CDC42BPA: variants seen among roughly 807,000 people sequenced by gnomAD.
The protein encoded by CDC42BPA is CDC42 binding protein kinase alpha.
A neutral mutation model predicts 223.5 loss-of-function variants in CDC42BPA; 80 were observed. The ratio of observed to expected loss-of-function variants is 0.36; its 90% CI spans 0.30 to 0.43. The LOEUF is 0.43. Ranked by LOEUF, CDC42BPA falls within the 20% of genes least tolerant of loss-of-function variation. The pLI, the probability that CDC42BPA is intolerant of heterozygous loss-of-function variation, is 1.00. For missense variants in CDC42BPA, 1,743 were observed against 2,099.9 expected (o/e 0.83, Z 3.32); for synonymous variants, 694 against 718.6 (o/e 0.97, Z 0.55).
At chr1:227,150,854 T>TG in intron 6 of CDC42BPA, among the ~76,000 whole-genome samples, 1 of 98,566 alleles carries the variant, frequency 1.0e-5, no homozygotes, top group Admixed American at 1.1e-4. Flanking sequence ...TTTACCTCCC[T>TG]GAAAAAAAAA....
At chr1:227,263,605 C>T (rs1357911673) in intron 1 of CDC42BPA, among the ~76,000 whole-genome samples, 5 of 133,504 alleles carry the variant, frequency 3.7e-5, no homozygotes, top group East Asian at 2.1e-4. Flanking sequence ...TTTTTTGAAA[C>T]GGAGTCTCGC....
intron 6 of CDC42BPA, among the ~76,000 whole-genome samples, chr1:227,155,117 A>G (rs951808651): frequency 6.6e-6 from 1 of 152,186 alleles, no homozygotes; most frequent in African/African-American, 2.4e-5. Flanking sequence ...AGCTGTCCAG[A>G]TAATAAATAA....
At chr1:227,008,471 A>G (rs1361385941) in intron 34 of CDC42BPA, among the ~76,000 whole-genome samples, 1 of 152,208 alleles carries the variant, frequency 6.6e-6, no homozygotes, top group African/African-American at 2.4e-5. Flanking sequence ...GAAATGTACT[A>G]ATGTGGCTAA....
intron 5 of CDC42BPA, among the ~76,000 whole-genome samples, chr1:227,189,086 T>G (rs1408600935): frequency 1.3e-5 from 2 of 152,198 alleles, no homozygotes; most frequent in Non-Finnish European, 2.9e-5. Flanking sequence ...AATTGAGCTT[T>G]CATTCCTATC....
intron 12 of CDC42BPA, among the ~76,000 whole-genome samples, chr1:227,118,841 T>C (rs926290262): frequency 6.6e-6 from 1 of 152,114 alleles, no homozygotes; most frequent in Admixed American, 6.6e-5. Context: ...GCAATGAATT[T>C]AAATGGACCT....
chr1:227,261,490 C>A (rs1018457811), intron 1 of CDC42BPA, among the ~76,000 whole-genome samples: 2 of 149,994 alleles, frequency 1.3e-5, no homozygotes, highest in Non-Finnish European at 2.9e-5. Flanking sequence ...AGCAGTAACA[C>A]AGACCCACAC....
rs538541440 is a variant in CDC42BPA at position 227,226,661 on chromosome 1, T to C, written c.271-13442A>G. On this transcript the variant is annotated intron_variant, in intron 2 of 36. Coordinates refer to ENST00000366766, the MANE Select transcript of CDC42BPA (RefSeq NM_001394014.1). ...TACTGAAGAATAAGAGCCAGGAACA[T>C]TGACTTTTGTTGATGTTTTCTTTTT... 6.4e-4 allele frequency among the ~76,000 whole-genome samples: 97 copies of C among 152,318 alleles called. 1 individual carries two copies. Among genetic ancestry groups the C allele is most frequent in the African/African-American group, 2.2e-3 (92 of 41,576 alleles).
rs1438064684 is a variant in CDC42BPA at position 227,101,014 on chromosome 1, A to G, written c.2227T>C (p.Leu743=). ...TACCTTTCTCTTCTGGTTTTTTCCAATTTGTCTTTTAAAATCATAATTTCT... is the reference window on the plus strand; with the variant it reads ...TACCTTTCTCTTCTGGTTTTTTCCAGTTTGTCTTTTAAAATCATAATTTCT... ...NKEIMILKDK[L]EKTRRESQSE... is the part of the protein sequence containing the mutation. Residue 743 remains leucine (L), a synonymous_variant, in exon 15 of 37, where the codon TTG becomes CTG. Transcript: ENST00000366766. 1.3e-6 allele frequency: 2 copies of G among 1,523,160 alleles called. No homozygotes were observed. Among genetic ancestry groups the G allele is most frequent in the Non-Finnish European group, 1.8e-6 (2 of 1,104,736 alleles). 94.4% of individuals were successfully genotyped at this position (1,523,160 alleles called of 1,614,324 possible).
chr1:227,214,086 T>A (rs1877621), intron 2 of CDC42BPA, among the ~76,000 whole-genome samples: 1 of 151,618 alleles, frequency 6.6e-6, no homozygotes, highest in Non-Finnish European at 1.5e-5. Flanking sequence ...TACTGGGGGT[T>A]GGTGGGGAGG....
chr1:227,108,468 C>T (rs1039008493), intron 14 of CDC42BPA, among the ~76,000 whole-genome samples: 2 of 151,778 alleles, frequency 1.3e-5, no homozygotes, highest in African/African-American at 4.8e-5. Context: ...GAGATGATAC[C>T]TCATACGACT....
intron 14 of CDC42BPA, 68 bp from the exon 15 acceptor site, chr1:227,101,307 TG>T: frequency 1.0e-6 from 1 of 1,000,202 alleles, no homozygotes; most frequent in South Asian, 2.1e-5. Flanking sequence ...AACTTCTTTC[TG>T]TAATATAAAT....
At chr1:227,163,588 T>A (rs1664491471) in intron 5 of CDC42BPA, among the ~76,000 whole-genome samples, 2 of 152,064 alleles carry the variant, frequency 1.3e-5, no homozygotes, top group African/African-American at 4.8e-5. Flanking sequence ...CCCTTGCCGT[T>A]GTAAAAATTG....
chr1:227,020,115 C>T (rs1235597101), intron 32 of CDC42BPA, among the ~76,000 whole-genome samples: 4 of 152,136 alleles, frequency 2.6e-5, no homozygotes, highest in African/African-American at 4.8e-5. Flanking sequence ...AGGCTGGTCT[C>T]GAACTCCTGA....
At chr1:227,230,914 G>A (rs113782692) in intron 2 of CDC42BPA, among the ~76,000 whole-genome samples, 14,394 of 145,022 alleles carry the variant, frequency 0.099, 835 homozygotes, top group Middle Eastern at 0.17. Context: ...TCCGACACCC[G>A]GGTTCAAGCG....
At chr1:227,252,790 TGA>T (rs1682254482) in intron 2 of CDC42BPA, among the ~76,000 whole-genome samples, 1 of 152,250 alleles carries the variant, frequency 6.6e-6, no homozygotes, top group Admixed American at 6.5e-5. Flanking sequence ...AGAAAAACCA[TGA>T]GTGTCCCAAA....
At chr1:227,211,548 ATATG>A (rs531505234) in intron 3 of CDC42BPA, among the ~76,000 whole-genome samples, 1 of 152,178 alleles carries the variant, frequency 6.6e-6, no homozygotes, top group Non-Finnish European at 1.5e-5. Flanking sequence ...GTGTATACAT[ATATG>A]TATGTATGTA....
intron 3 of CDC42BPA, among the ~76,000 whole-genome samples, chr1:227,209,953 T>G (rs1673573715): frequency 6.7e-6 from 1 of 150,098 alleles, no homozygotes. Flanking sequence ...TCCTTGTACC[T>G]CTGGTAGAAT....
intron 10 of CDC42BPA, among the ~76,000 whole-genome samples, chr1:227,131,198 G>C (rs184095002): frequency 6.6e-6 from 1 of 152,100 alleles, no homozygotes; most frequent in South Asian, 2.1e-4. Context: ...AATCCCCTAC[G>C]GCAGATACTG....
At chr1:227,310,546 G>A (rs1218116222) in intron 1 of CDC42BPA, among the ~76,000 whole-genome samples, 2 of 151,998 alleles carry the variant, frequency 1.3e-5, no homozygotes, top group South Asian at 2.1e-4. Context: ...CATTCCCTAC[G>A]TACTGATTAG....
Sources: gnomAD v4.1 joint callset for allele counts (sites outside exome capture counted in the v4.1 genomes callset) on GRCh38, gnomAD v4.1.1 for gene constraint, MANE v1.5 for transcripts, NCBI Gene and HGNC (gene_info 2026-07-23, HGNC 2026-07-21) for gene names.